ZMYM2: variants seen among roughly 807,000 people sequenced by gnomAD.
The protein encoded by ZMYM2 is zinc finger MYM-type protein 2.
In ZMYM2, 56 loss-of-function variants were observed where a neutral mutation model predicts 162.8. The ratio of observed to expected loss-of-function variants is 0.34; its 90% confidence interval spans 0.28 to 0.43. The LOEUF is 0.43. Among genes scored for constraint, ZMYM2 ranks in the 20% least tolerant of loss-of-function variants. ZMYM2 has a pLI of 1.00. For synonymous variants in ZMYM2, 510 were observed against 541.6 expected, an observed-to-expected ratio of 0.94 and a Z score of 0.81; for missense variants, 1,275 against 1,621.8, an observed-to-expected ratio of 0.79 and a Z score of 3.67.
At chr13:20,006,883 C>T (rs767794595) in intron 6 of ZMYM2, among the ~76,000 whole-genome samples, 1 of 152,048 alleles carries the variant, frequency 6.6e-6, no homozygotes, top group Non-Finnish European at 1.5e-5. Context: ...TTAGAATGCA[C>T]CTTTGACCTA....
intron 14 of ZMYM2, among the ~76,000 whole-genome samples, chr13:20,052,752 T>G (rs1012415032): frequency 8.5e-5 from 13 of 152,148 alleles, no homozygotes; most frequent in Non-Finnish European, 1.9e-4. Flanking sequence ...GCATGAAAAG[T>G]AGGAGAATAA....
intron 10 of ZMYM2, among the ~76,000 whole-genome samples, chr13:20,031,865 G>GTTTTTTTTTTTTTTTTTTTTT (rs10642086): frequency 4.2e-4 from 55 of 130,274 alleles, no homozygotes; most frequent in Non-Finnish European, 5.1e-4. Context: ...TTCTGTAATT[G>GTTTTTTTTTTTTTTTTTTTTT]TTTTTTTTTT....
At chr13:20,021,616 C>T (rs867799821) in intron 7 of ZMYM2, among the ~76,000 whole-genome samples, 1 of 152,044 alleles carries the variant, frequency 6.6e-6, no homozygotes, top group African/African-American at 2.4e-5. Flanking sequence ...CGCGGTGATA[C>T]CTGGAGAGAT....
intron 2 of ZMYM2, among the ~76,000 whole-genome samples, chr13:19,975,771 T>C (rs1956725221): frequency 6.6e-6 from 1 of 152,250 alleles, no homozygotes; most frequent in Non-Finnish European, 1.5e-5. Context: ...GGTACCATTT[T>C]ACATTTTTAC....
At chr13:20,007,294 C>G (rs545487891) in intron 6 of ZMYM2, among the ~76,000 whole-genome samples, 9 of 152,168 alleles carry the variant, frequency 5.9e-5, no homozygotes, top group Admixed American at 5.9e-4. Flanking sequence ...CGCCACCACA[C>G]CCGGCTAATT....
the ZMYM2 span, among the ~76,000 whole-genome samples, chr13:19,884,987 G>C: frequency 6.6e-6 from 1 of 152,142 alleles, no homozygotes; most frequent in African/African-American, 2.4e-5. Context: ...ACAGAGTGCT[G>C]ATTGGTCCAT....
Position 20,031,411 on chromosome 13 carries a change from A to G in ZMYM2, c.1944A>G (p.Ser648=), listed in dbSNP as rs1356458599. ...ACTACTGCAAAAATTCCTTTTGTTC[A>G]AAACCAGAAATCCTGGAATGGGAGG... ...KCNYCKNSFC[S]KPEILEWENK... Residue 648 remains serine, a synonymous_variant, in exon 10 of 25, where the codon TCA becomes TCG. Transcript: ENST00000610343. 2 of 1,605,644 alleles carry G rather than the reference A, an allele frequency of 1.2e-6. No homozygotes were observed. Among genetic ancestry groups the G allele is most frequent in the Non-Finnish European group, 1.7e-6 (2 of 1,177,270 alleles).
intron 2 of ZMYM2, among the ~76,000 whole-genome samples, chr13:19,972,130 A>G (rs1052039922): frequency 6.6e-6 from 1 of 152,202 alleles, no homozygotes; most frequent in Non-Finnish European, 1.5e-5. Context: ...TCATGTATTT[A>G]TTAGATCAAA....
chr13:20,077,352 G>C lies in ZMYM2; in HGVS notation c.3454-4664G>C, dbSNP rs1256440715. ...CAGCATTTTTTTATGAGGAAGTAAAGTTACTTGCCCAAGTTACACAGCTCA... is the reference window on the plus strand; with the variant it reads ...CAGCATTTTTTTATGAGGAAGTAAACTTACTTGCCCAAGTTACACAGCTCA... On this transcript the variant is annotated intron_variant, in intron 21 of 24. Transcript: ENST00000610343. Among the ~76,000 whole-genome samples the C allele has an allele frequency of 2.0e-5, 3 of 150,474 alleles. 1 individual carries two copies. Among genetic ancestry groups the C allele is most frequent in the Admixed American group, 6.6e-5 (1 of 15,240 alleles).
the ZMYM2 span, among the ~76,000 whole-genome samples, chr13:19,886,162 C>T: frequency 1.1e-4 from 11 of 98,452 alleles, no homozygotes; most frequent in East Asian, 3.3e-4. Flanking sequence ...TTCTTTCTTT[C>T]TTTTTTTTTT....
intron 6 of ZMYM2, among the ~76,000 whole-genome samples, chr13:20,018,299 G>A (rs1951786223): frequency 6.6e-6 from 1 of 152,028 alleles, no homozygotes; most frequent in African/African-American, 2.4e-5. Context: ...TGCATGTTTT[G>A]TAATTACATA....
chr13:19,970,676 A>C (rs1956236691), intron 2 of ZMYM2, among the ~76,000 whole-genome samples: 1 of 151,496 alleles, frequency 6.6e-6, no homozygotes, highest in African/African-American at 2.4e-5. Flanking sequence ...TTCAGTAAAT[A>C]TTTATTGGCC....
the ZMYM2 span, among the ~76,000 whole-genome samples, chr13:19,926,690 C>T: frequency 1.3e-4 from 20 of 151,892 alleles, no homozygotes; most frequent in East Asian, 3.5e-3. Flanking sequence ...GTTTTCAAGA[C>T]AGGGTCCCAC....
At chr13:20,026,337 T>C (rs1266689980) in intron 7 of ZMYM2, 1 of 237,194 alleles carries the variant, frequency 4.2e-6, no homozygotes, top group Non-Finnish European at 8.0e-6. Context: ...CAGGTTTTAC[T>C]TAACTCTATG....
At chr13:19,885,162 A>C in the ZMYM2 span, among the ~76,000 whole-genome samples, 1 of 152,178 alleles carries the variant, frequency 6.6e-6, no homozygotes. Context: ...TAGTCCCAGA[A>C]ACTCAGAAGG....
the ZMYM2 span, among the ~76,000 whole-genome samples, chr13:19,925,267 T>C: frequency 2.0e-5 from 3 of 152,338 alleles, no homozygotes; most frequent in Non-Finnish European, 4.4e-5. Flanking sequence ...TATAGCTTTT[T>C]AGTAAATTCC....
At chr13:19,955,692 G>A (rs1593979701), upstream of ZMYM2, among the ~76,000 whole-genome samples, 2 of 152,124 alleles carry the variant, frequency 1.3e-5, no homozygotes, top group South Asian at 4.1e-4. Flanking sequence ...TGCGCTCTCG[G>A]CTCACTGCAA....
chr13:19,931,658 C>T, the ZMYM2 span, among the ~76,000 whole-genome samples: 21 of 152,336 alleles, frequency 1.4e-4, no homozygotes, highest in East Asian at 3.7e-3. Context: ...AGGTCTTTCT[C>T]TGTTGCCCAG....
At chr13:19,987,537 A>G (rs1172762227) in intron 2 of ZMYM2, among the ~76,000 whole-genome samples, 1 of 151,366 alleles carries the variant, frequency 6.6e-6, no homozygotes, top group East Asian at 1.9e-4. Flanking sequence ...TGCTGGGATT[A>G]CAGGCGTGAG....
Sources: gnomAD v4.1 joint callset for allele counts (sites outside exome capture counted in the v4.1 genomes callset) on GRCh38, gnomAD v4.1.1 for gene constraint, MANE v1.5 for transcripts, NCBI Gene and HGNC (gene_info 2026-07-23, HGNC 2026-07-21) for gene names.